Variants in PARD3B observed in about 807,000 individuals in gnomAD.
PARD3B encodes partitioning defective 3 homolog B.
In PARD3B, 103 loss-of-function variants were observed where a neutral mutation model predicts 130.2. That is an observed-to-expected ratio of 0.79 (90% CI 0.67 to 0.93). The LOEUF (loss-of-function observed/expected upper bound fraction) is 0.93, where lower values mean the gene tolerates loss of function less well. Among genes scored for constraint, PARD3B ranks in the 40% least tolerant of loss-of-function variants. PARD3B has a pLI of 0.00. For missense variants in PARD3B, 1,609 were observed against 1,499.2 expected (o/e 1.07, Z -1.21); for synonymous variants, 583 against 553.2 (o/e 1.05, Z -0.76).
At position 205,301,349 on chromosome 2, in the gene PARD3B, G is replaced by C; in HGVS notation, c.2393-115G>C. The C allele has an allele frequency of 6.7e-7, 1 of 1,497,696 alleles. No homozygotes were observed. Among genetic ancestry groups the C allele is most frequent in the South Asian group, 1.4e-5 (1 of 71,462 alleles). The allele number at this position is 1,497,696 out of a possible 1,614,324, so 92.8% of individuals were successfully genotyped here. On this transcript the variant is annotated intron_variant, in intron 17 of 22. Transcript: ENST00000406610. The surrounding 1 kb of genome is among the most constrained non-coding windows in gnomAD (Gnocchi z 5.2). ...AGGGCGCACGTAACCACATAGAAGG[G>C]TAGAACTACAGAGTGCTGTTATTCA...
intron 1 of PARD3B, among the ~76,000 whole-genome samples, chr2:204,600,002 T>G (rs953949436): frequency 1.3e-5 from 2 of 151,956 alleles, no homozygotes; most frequent in Admixed American, 1.3e-4. Flanking sequence ...GAAAAATACC[T>G]GTTCAGAGCA....
At chr2:204,891,857 C>G (rs947687262) in intron 2 of PARD3B, among the ~76,000 whole-genome samples, 4 of 152,276 alleles carry the variant, frequency 2.6e-5, no homozygotes, top group East Asian at 3.9e-4. Context: ...TTCTGGTACC[C>G]CTGGCTCTGT....
At chr2:205,184,254 G>A (rs1401252277) in intron 13 of PARD3B, among the ~76,000 whole-genome samples, 2 of 152,122 alleles carry the variant, frequency 1.3e-5, no homozygotes, top group African/African-American at 4.8e-5. Flanking sequence ...ACGTGGACAA[G>A]CCAAAGCAGG....
At chr2:205,108,836 A>G (rs1703422177) in intron 5 of PARD3B, among the ~76,000 whole-genome samples, 1 of 152,168 alleles carries the variant, frequency 6.6e-6, no homozygotes, top group Admixed American at 6.5e-5. Context: ...GATGTCGGAC[A>G]AGTTATTAAA....
intron 2 of PARD3B, among the ~76,000 whole-genome samples, chr2:204,749,178 G>A (rs769905734): frequency 6.6e-6 from 1 of 151,966 alleles, no homozygotes; most frequent in East Asian, 1.9e-4. Flanking sequence ...TAATACCACC[G>A]AGGGCTATTT....
chr2:205,296,630 G>A (rs988037443), intron 16 of PARD3B, among the ~76,000 whole-genome samples: 1 of 151,592 alleles, frequency 6.6e-6, no homozygotes, highest in African/African-American at 2.4e-5. Flanking sequence ...GCCTGGCACA[G>A]CTTAACTCTT....
At chr2:205,046,024 G>T (rs967317591) in intron 3 of PARD3B, among the ~76,000 whole-genome samples, 4 of 152,056 alleles carry the variant, frequency 2.6e-5, no homozygotes, top group African/African-American at 9.7e-5. Context: ...AAATAAACCA[G>T]AGTTCTTGAA....
chr2:205,227,597 G>A (rs2038625637), intron 15 of PARD3B, among the ~76,000 whole-genome samples: 2 of 151,724 alleles, frequency 1.3e-5, no homozygotes, highest in South Asian at 4.2e-4. Flanking sequence ...ATTTCTTATA[G>A]GCAACAGATT....
intron 1 of PARD3B, among the ~76,000 whole-genome samples, chr2:204,671,829 A>C (rs2036316630): frequency 6.6e-6 from 1 of 152,188 alleles, no homozygotes; most frequent in African/African-American, 2.4e-5. Context: ...AAAGACCCAC[A>C]GTCATCTCAG....
chr2:205,083,861 CCA>C (rs200652305), intron 4 of PARD3B, among the ~76,000 whole-genome samples: 5,212 of 152,094 alleles, frequency 0.034, 118 homozygotes, highest in Non-Finnish European at 0.047. Context: ...CAGCTAGTTT[CCA>C]TAATGAGCAA....
chr2:205,381,459 T>C (rs79310492), intron 18 of PARD3B, among the ~76,000 whole-genome samples: 1 of 151,488 alleles, frequency 6.6e-6, no homozygotes, highest in African/African-American at 2.4e-5. Context: ...TCAAAGTAGA[T>C]AATGCCAAGC....
At chr2:205,047,248 T>A (rs1024800339) in intron 3 of PARD3B, among the ~76,000 whole-genome samples, 1 of 152,210 alleles carries the variant, frequency 6.6e-6, no homozygotes, top group African/African-American at 2.4e-5. Context: ...TCCTGGATAA[T>A]CATTCTTTTT....
intron 10 of PARD3B, among the ~76,000 whole-genome samples, chr2:205,129,852 T>G (rs2125643261): frequency 6.6e-6 from 1 of 152,318 alleles, no homozygotes; most frequent in East Asian, 1.9e-4. Flanking sequence ...TCTGTCATTC[T>G]GAAGGCCATG....
chr2:204,561,888 C>T (rs375721214), intron 1 of PARD3B, among the ~76,000 whole-genome samples: 9 of 152,070 alleles, frequency 5.9e-5, no homozygotes, highest in African/African-American at 1.7e-4. Context: ...TGAGTCACCG[C>T]GCCCGGCCAT....
At chr2:205,380,440 AAAG>A (rs1209998715) in intron 18 of PARD3B, among the ~76,000 whole-genome samples, 3 of 46,000 alleles carry the variant, frequency 6.5e-5, no homozygotes, top group Non-Finnish European at 1.1e-4. Context: ...TATATTATAT[AAAG>A]AATACATATA....
chr2:204,872,146 A>C (rs991114239), intron 2 of PARD3B, among the ~76,000 whole-genome samples: 5 of 152,246 alleles, frequency 3.3e-5, no homozygotes, highest in African/African-American at 1.2e-4. Context: ...GTTTTCCAAA[A>C]GATTATAATT....
chr2:204,797,552 G>A (rs2042417812), intron 2 of PARD3B, among the ~76,000 whole-genome samples: 2 of 152,146 alleles, frequency 1.3e-5, no homozygotes, highest in Non-Finnish European at 1.5e-5. Context: ...AACTAGACCT[G>A]TACATAACAC....
chr2:205,320,608 A>T (rs1296938916), intron 18 of PARD3B, among the ~76,000 whole-genome samples: 3 of 152,220 alleles, frequency 2.0e-5, no homozygotes, highest in African/African-American at 7.2e-5. Flanking sequence ...AATAGAGAGG[A>T]TAAGATGTTC....
At chr2:205,201,879 T>A (rs961321013) in intron 15 of PARD3B, among the ~76,000 whole-genome samples, 2 of 152,202 alleles carry the variant, frequency 1.3e-5, no homozygotes, top group African/African-American at 4.8e-5. Context: ...TATATAGTTA[T>A]ATGTTTTAAC....
Sources: gnomAD v4.1 joint callset for allele counts (sites outside exome capture counted in the v4.1 genomes callset) on GRCh38, gnomAD v4.1.1 for gene constraint, Gnocchi (gnomAD v3.1) non-coding constraint, MANE v1.5 for transcripts, NCBI Gene and HGNC (gene_info 2026-07-23, HGNC 2026-07-21) for gene names.